The following MAST4 variants were observed in gnomAD, a reference collection of about 807,000 sequenced individuals.
The protein encoded by MAST4 is microtubule-associated serine/threonine-protein kinase 4.
MAST4 carries 89 observed loss-of-function variants against 162.7 expected under a neutral mutation model. The ratio of observed to expected loss-of-function variants is 0.55; its 90% confidence interval spans 0.46 to 0.65. The LOEUF (loss-of-function observed/expected upper bound fraction) is 0.65. MAST4 is among the 30% of genes least tolerant of loss of function. MAST4 has a pLI of 0.00. For synonymous variants in MAST4, 1,479 were observed against 1,361.1 expected (o/e 1.09, Z -1.91); for missense variants, 3,153 against 3,374.0 (o/e 0.93, Z 1.62).
chr5:66,799,079 G>A (rs1275546217), intron 3 of MAST4, among the ~76,000 whole-genome samples: 1 of 152,086 alleles, frequency 6.6e-6, no homozygotes, highest in Non-Finnish European at 1.5e-5. Context: ...CATGATGGAG[G>A]GTTGAGGTTT....
intron 3 of MAST4, among the ~76,000 whole-genome samples, chr5:66,837,131 A>G (rs1758034501): frequency 6.6e-6 from 1 of 151,802 alleles, no homozygotes; most frequent in South Asian, 2.1e-4. Context: ...TCTACCTCTT[A>G]CTGCCTGATG....
chr5:67,108,346 G>A (rs1020340753), intron 10 of MAST4, among the ~76,000 whole-genome samples: 2 of 152,130 alleles, frequency 1.3e-5, no homozygotes, highest in African/African-American at 4.8e-5. Flanking sequence ...TAAGAAGTTA[G>A]GTGTTTTTTT....
chr5:66,950,695 G>A (rs569086148), intron 4 of MAST4, among the ~76,000 whole-genome samples: 315 of 152,136 alleles, frequency 2.1e-3, no homozygotes, highest in African/African-American at 7.3e-3. Flanking sequence ...TCTGTTAATC[G>A]AAGCCTGGCT....
intron 1 of MAST4, among the ~76,000 whole-genome samples, chr5:66,666,606 G>T (rs1747275734): frequency 6.6e-6 from 1 of 152,194 alleles, no homozygotes; most frequent in Non-Finnish European, 1.5e-5. Flanking sequence ...TGGCTGGAGT[G>T]TCTCATCTAA....
chr5:66,599,175 G>A (rs1055395678), intron 1 of MAST4, among the ~76,000 whole-genome samples: 3 of 152,166 alleles, frequency 2.0e-5, no homozygotes, highest in Non-Finnish European at 4.4e-5. Context: ...GTAGAGGAGT[G>A]ATAATCTTTG....
intron 4 of MAST4, among the ~76,000 whole-genome samples, chr5:67,044,139 C>CT (rs1757090818): frequency 6.6e-6 from 1 of 152,214 alleles, no homozygotes; most frequent in South Asian, 2.1e-4. Context: ...AGCACATGCC[C>CT]TTTATCTCTT....
chr5:67,160,137 G>C (rs764611055), intron 26 of MAST4, among the ~76,000 whole-genome samples: 16 of 152,168 alleles, frequency 1.1e-4, no homozygotes, highest in Non-Finnish European at 1.9e-4. Flanking sequence ...TGAGCCCCAG[G>C]AGATAGGTAG....
intron 5 of MAST4, among the ~76,000 whole-genome samples, chr5:67,086,987 G>A (rs561328920): frequency 8.0e-4 from 122 of 152,302 alleles, no homozygotes; most frequent in African/African-American, 2.9e-3. Context: ...CTGAGTAGGA[G>A]TCAATTTTTA....
intron 4 of MAST4, among the ~76,000 whole-genome samples, chr5:66,911,450 CCAGCA>C (rs1252001596): frequency 6.6e-6 from 1 of 151,362 alleles, no homozygotes; most frequent in African/African-American, 2.4e-5. Flanking sequence ...TCCTATAATG[CCAGCA>C]CTTGGAGAGG....
intron 5 of MAST4, among the ~76,000 whole-genome samples, chr5:67,078,345 AAAG>A (rs981689048): frequency 6.6e-6 from 1 of 151,044 alleles, no homozygotes; most frequent in Non-Finnish European, 1.5e-5. Context: ...AAAAAAAAAA[AAAG>A]TAACAATAAA....
At chr5:66,842,164 T>A (rs1758473222) in intron 3 of MAST4, among the ~76,000 whole-genome samples, 1 of 152,032 alleles carries the variant, frequency 6.6e-6, no homozygotes. Flanking sequence ...TGGCAAGGAG[T>A]TGCTAATGTG....
At chr5:66,825,755 AG>A (rs1757222948) in intron 3 of MAST4, among the ~76,000 whole-genome samples, 1 of 152,178 alleles carries the variant, frequency 6.6e-6, no homozygotes, top group Non-Finnish European at 1.5e-5. Flanking sequence ...GTATCCATAC[AG>A]GTAATTTTTT....
intron 4 of MAST4, among the ~76,000 whole-genome samples, chr5:66,956,859 G>A (rs996628689): frequency 3.3e-5 from 5 of 152,138 alleles, no homozygotes; most frequent in Non-Finnish European, 7.4e-5. Flanking sequence ...GAGGGTACCA[G>A]GGAGGAAGTA....
intron 3 of MAST4, among the ~76,000 whole-genome samples, chr5:66,844,172 TG>T (rs1758638400): frequency 6.7e-6 from 1 of 149,498 alleles, no homozygotes; most frequent in Non-Finnish European, 1.5e-5. Context: ...TGTGTGTGTG[TG>T]TGTGTGTGTG....
intron 11 of MAST4, among the ~76,000 whole-genome samples, chr5:67,112,810 T>A (rs1000734444): frequency 3.3e-5 from 5 of 152,084 alleles, no homozygotes; most frequent in African/African-American, 1.2e-4. Flanking sequence ...TGGCCATTGG[T>A]GATCCACTTA....
chr5:67,010,460 G>A (rs1044778418), intron 4 of MAST4, among the ~76,000 whole-genome samples: 4 of 152,130 alleles, frequency 2.6e-5, no homozygotes, highest in African/African-American at 4.8e-5. Flanking sequence ...TGGGAACATC[G>A]AAGGCACTGA....
At chr5:67,028,745 T>C (rs556350414) in intron 4 of MAST4, among the ~76,000 whole-genome samples, 42 of 152,064 alleles carry the variant, frequency 2.8e-4, no homozygotes, top group Admixed American at 5.2e-4. Context: ...TTGGGATTCA[T>C]TGGACTGGAG....
chr5:66,889,167 C>A (rs1312378687), intron 3 of MAST4, among the ~76,000 whole-genome samples: 1 of 152,146 alleles, frequency 6.6e-6, no homozygotes, highest in East Asian at 1.9e-4. Context: ...TTCGAATTTA[C>A]TGTAATTTGC....
chr5:66,707,014 T>C (rs1316298403), intron 1 of MAST4, among the ~76,000 whole-genome samples: 1 of 150,668 alleles, frequency 6.6e-6, no homozygotes. Flanking sequence ...CACAGGAACT[T>C]TCGAAGCTTT....
Sources: gnomAD v4.1 joint callset for allele counts (sites outside exome capture counted in the v4.1 genomes callset) on GRCh38, gnomAD v4.1.1 for gene constraint, MANE v1.5 for transcripts, NCBI Gene and HGNC (gene_info 2026-07-23, HGNC 2026-07-21) for gene names.